The following PARVA variants were observed in gnomAD, a reference collection of about 807,000 sequenced individuals.
PARVA encodes the protein parvin alpha, also known as alpha-parvin.
Under a neutral mutation model 52.6 loss-of-function variants are expected in PARVA, and 25 were observed. That is an observed-to-expected ratio of 0.48 (90% CI 0.35 to 0.66). The LOEUF (loss-of-function observed/expected upper bound fraction) is 0.66. Ranked by LOEUF, PARVA falls within the 30% of genes least tolerant of loss-of-function variation. The probability of loss-of-function intolerance (pLI) is 0.01; values close to 1 mark genes in which losing one functional copy is unlikely to be tolerated. For synonymous variants in PARVA, 185 were observed against 179.1 expected (o/e 1.03, Z -0.26); for missense variants, 373 against 450.9 (o/e 0.83, Z 1.56).
At position 12,419,099 on chromosome 11, in the gene PARVA, G is replaced by T. The variant is rs146438589; in HGVS notation, c.136+41316G>T. Among the ~76,000 whole-genome samples, 778 of 152,318 alleles carry T rather than the reference G, an allele frequency of 5.1e-3. 4 individuals are homozygous for T. Among genetic ancestry groups the T allele is most frequent in the Middle Eastern group, 0.017 (5 of 294 alleles). ...TTTAAAATTTTTTGGTTTTAAAAAA[G>T]TCTTTCCAGCCATCTTAAAAAAATT... On this transcript the variant is annotated intron_variant, in intron 1 of 12. Transcript: ENST00000334956.
chr11:12,395,595 G>T (rs61875440), intron 1 of PARVA, among the ~76,000 whole-genome samples: 13,574 of 152,234 alleles, frequency 0.089, 743 homozygotes, highest in African/African-American at 0.14. Context: ...CACATATCTT[G>T]CTTGAAAGGT....
intron 1 of PARVA, among the ~76,000 whole-genome samples, chr11:12,432,211 CT>C (rs1244906254): frequency 3.3e-5 from 5 of 152,084 alleles, no homozygotes; most frequent in Non-Finnish European, 7.4e-5. Flanking sequence ...AAAAATATTG[CT>C]CACACATGTT....
At chr11:12,459,210 T>A (rs1940740082) in intron 1 of PARVA, among the ~76,000 whole-genome samples, 1 of 151,716 alleles carries the variant, frequency 6.6e-6, no homozygotes, top group Admixed American at 6.6e-5. Flanking sequence ...GAGACCAGCC[T>A]GGGCAACATG....
rs1564865906 is a variant in PARVA, at chr11:12,508,126, A to AC, written c.658-458_658-457insC. 5.1e-3 allele frequency among the ~76,000 whole-genome samples: 337 copies of AC among 66,488 alleles called. 1 individual carries two copies. Among genetic ancestry groups the AC allele is most frequent in the African/African-American group, 0.024 (312 of 12,952 alleles). The allele number at this position is 66,488 out of a possible 152,430, so 43.6% of individuals were successfully genotyped here. On this transcript the variant is annotated intron_variant, in intron 6 of 12. Coordinates refer to ENST00000334956, the MANE Select transcript of PARVA (RefSeq NM_018222.5). ...AAAAAAAAAAAAAAAAAAAAAACCA[A>AC]AAAAAAAAACCCTCTGCCTCTTGTC...
chr11:12,516,420 C>T (rs1270685580), intron 10 of PARVA, among the ~76,000 whole-genome samples: 3 of 152,046 alleles, frequency 2.0e-5, no homozygotes, highest in Non-Finnish European at 4.4e-5. Context: ...CCTACTCCTC[C>T]CAAGGTCCAT....
intron 1 of PARVA, among the ~76,000 whole-genome samples, chr11:12,389,938 C>T (rs896218215): frequency 6.6e-6 from 1 of 152,322 alleles, no homozygotes; most frequent in Admixed American, 6.5e-5. Context: ...CTTTTCCGTT[C>T]ACTCATTCCC....
intron 1 of PARVA, among the ~76,000 whole-genome samples, chr11:12,440,828 A>G (rs986476418): frequency 5.3e-5 from 8 of 152,352 alleles, no homozygotes; most frequent in Non-Finnish European, 1.0e-4. Flanking sequence ...AATCCCTCTC[A>G]TACTAAGTCT....
intron 1 of PARVA, among the ~76,000 whole-genome samples, chr11:12,385,351 G>C (rs746215397): frequency 1.4e-4 from 22 of 152,198 alleles, no homozygotes; most frequent in African/African-American, 5.1e-4. Flanking sequence ...ATAAATAAAG[G>C]CTACCAGAAT....
At chr11:12,380,653 T>A (rs571172333) in intron 1 of PARVA, among the ~76,000 whole-genome samples, 1 of 150,688 alleles carries the variant, frequency 6.6e-6, no homozygotes, top group South Asian at 2.1e-4. Context: ...ACCTAGCAGA[T>A]CAACCTGTTA....
At chr11:12,483,255 C>T (rs1166150996) in intron 4 of PARVA, among the ~76,000 whole-genome samples, 2 of 152,222 alleles carry the variant, frequency 1.3e-5, no homozygotes, top group Non-Finnish European at 2.9e-5. Flanking sequence ...CCCACTTGCC[C>T]TGGCAGCAGA....
chr11:12,413,392 A>G (rs1940019609), intron 1 of PARVA, among the ~76,000 whole-genome samples: 2 of 152,232 alleles, frequency 1.3e-5, no homozygotes, highest in African/African-American at 4.8e-5. Context: ...ATGTATAGGC[A>G]TTACAAGTAC....
At chr11:12,513,512 A>T in intron 9 of PARVA, 152 bp downstream of exon 9, 1 of 770,266 alleles carries the variant, frequency 1.3e-6, no homozygotes, top group Non-Finnish European at 2.4e-6. Flanking sequence ...CCATCCATGT[A>T]CCTGTCTGTT....
intron 4 of PARVA, chr11:12,478,224 A>G (rs1941041794): frequency 2.0e-6 from 1 of 492,188 alleles, no homozygotes; most frequent in African/African-American, 1.9e-5. Context: ...CCCACTGTAT[A>G]TTAATAACTA....
Position 12,529,153 on chromosome 11 carries a change from C to T in PARVA, c.*1228C>T, listed in dbSNP as rs148890424. 575 of 152,204 alleles carry T rather than the reference C, an allele frequency of 3.8e-3. 4 individuals are homozygous for T. The highest frequency in any genetic ancestry group is 2.7e-3 in the East Asian group (14 of 5,164). 9.4% of individuals were successfully genotyped at this position (152,204 alleles called of 1,614,324 possible). ...GCTAAGTCTGCCCACATGTAATTAC[C>T]GGCTAATTCAAGCGAGGAAAAATGT... is the stretch of plus-strand genomic sequence containing the variant. On this transcript the variant is annotated 3_prime_UTR_variant, in exon 13 of 13. Transcript: ENST00000334956.
At chr11:12,469,367 T>G (rs2135031630) in intron 1 of PARVA, among the ~76,000 whole-genome samples, 1 of 152,322 alleles carries the variant, frequency 6.6e-6, no homozygotes, top group African/African-American at 2.4e-5. Context: ...GCTGGGCATT[T>G]GATCTGTTTA....
chr11:12,390,469 C>A (rs985345822), intron 1 of PARVA, among the ~76,000 whole-genome samples: 1 of 152,194 alleles, frequency 6.6e-6, no homozygotes. Context: ...ATCAAGGAGA[C>A]TCCTCAGAGT....
intron 1 of PARVA, among the ~76,000 whole-genome samples, chr11:12,439,438 G>A (rs879684694): frequency 1.3e-5 from 2 of 152,204 alleles, no homozygotes; most frequent in Admixed American, 6.5e-5. Context: ...AAAGATGGTT[G>A]AGACATTATT....
chr11:12,513,513 C>A (rs1323468435), intron 9 of PARVA, 153 bp downstream of exon 9: 1 of 761,232 alleles, frequency 1.3e-6, no homozygotes, highest in East Asian at 2.5e-5. Context: ...CATCCATGTA[C>A]CTGTCTGTTC....
In PARVA at chr11:12,477,868, G is replaced by A; in HGVS notation, c.319G>A (p.Asp107Asn). The change falls in exon 4 of 13, where the codon GAT becomes AAT. Residue 107 changes from aspartate to asparagine, a missense_variant. Coordinates refer to ENST00000334956, the MANE Select transcript of PARVA (RefSeq NM_018222.5). Reference sequence around the variant, plus strand: ...GTAGGTATTAATTGACTGGATTAATGATGTGTTGGTTGGAGAAAGAATCAT... The same window carrying A: ...GTAGGTATTAATTGACTGGATTAATAATGTGTTGGTTGGAGAAAGAATCAT... Reference protein sequence around the residue: ...LMKVLIDWINDVLVGERIIVK... With the variant: ...LMKVLIDWINNVLVGERIIVK... 1.3e-6 allele frequency: 2 copies of A among 1,595,910 alleles called. No individual in the cohort carries two copies.
Sources: allele counts gnomAD v4.1 joint callset (sites outside exome capture counted in the v4.1 genomes callset), GRCh38; gene constraint gnomAD v4.1.1; transcripts MANE v1.5; gene names NCBI Gene and HGNC (gene_info 2026-07-23, HGNC 2026-07-21).